Variants in CLEC12B observed in about 807,000 individuals in gnomAD.
CLEC12B encodes macrophage antigen h.
Under a neutral mutation model 36.1 loss-of-function variants are expected in CLEC12B, and 25 were observed. That is an observed-to-expected ratio of 0.69 (90% confidence interval 0.50 to 0.97). The LOEUF is 0.97. Among genes scored for constraint, CLEC12B ranks in the 50% least tolerant of loss-of-function variants. The pLI is 0.00. For missense variants in CLEC12B, 325 were observed against 318.4 expected, an observed-to-expected ratio of 1.02 and a Z score of -0.16; for synonymous variants, 110 against 108.5, an observed-to-expected ratio of 1.01 and a Z score of -0.09.
chr12:10,008,868 G>C (rs1401976028), upstream of CLEC12B, among the ~76,000 whole-genome samples: 2 of 152,180 alleles, frequency 1.3e-5, no homozygotes, highest in East Asian at 3.8e-4. Flanking sequence ...TGAAAACCCA[G>C]TTTTTGCAAA....
chr12:10,012,149 T>C (rs1190843889), intron 1 of CLEC12B, among the ~76,000 whole-genome samples: 1 of 152,350 alleles, frequency 6.6e-6, no homozygotes, highest in Non-Finnish European at 1.5e-5. Flanking sequence ...AGGTGATAAA[T>C]AGCATGAATA....
In CLEC12B at chr12:10,015,323, G is replaced by T; in HGVS notation, c.481G>T (p.Glu161Ter). ...QNSCYYFTTNEEKTWANSRKD... is the reference protein window; with the variant it reads ...QNSCYYFTTN ...TAGTTGCTACTATTTTACAACAAAT[G>T]AGGAGAAAACCTGGGCTAACAGTAG... Residue 161 changes from glutamate (E) to a stop codon, truncating the protein, a stop_gained, in exon 4 of 6, where the codon GAG becomes TAG. Coordinates refer to ENST00000338896, the MANE Select transcript of CLEC12B (RefSeq NM_001129998.3). LOFTEE classifies it high-confidence loss of function. 6.2e-7 allele frequency: 1 copy of T among 1,613,424 alleles called. No individual in the cohort carries two copies.
chr12:10,018,172 T>G (rs1865533352), intron 5 of CLEC12B, among the ~76,000 whole-genome samples, 159 bp from the exon 6 acceptor site: 1 of 152,190 alleles, frequency 6.6e-6, no homozygotes, highest in Non-Finnish European at 1.5e-5. Context: ...GGGCAGATTT[T>G]GTGCCAGCTT....
At chr12:10,007,496 CAG>C (rs946683055), upstream of CLEC12B, among the ~76,000 whole-genome samples, 8 of 152,074 alleles carry the variant, frequency 5.3e-5, no homozygotes, top group Admixed American at 6.6e-5. Context: ...ACTAGTGAAA[CAG>C]AGAAAACTTC....
At position 10,010,778 on chromosome 12, in the gene CLEC12B, T is replaced by C. The variant is rs1029781720; in HGVS notation, c.19T>C (p.Tyr7His). The C allele has an allele frequency of 6.2e-7, 1 of 1,605,562 alleles. No individual in the cohort carries two copies. MSEEVT[Y>H]ATLTFQDSAG... The stretch of plus-strand genomic sequence containing the variant: ...TTCTACAATGTCTGAAGAAGTGACC[T>C]ACGCGACACTCACATTTCAGGATTC... Residue 7 changes from tyrosine to histidine, a missense_variant, in exon 1 of 6, where the codon TAC becomes CAC. Coordinates refer to ENST00000338896, the MANE Select transcript of CLEC12B (RefSeq NM_001129998.3).
chr12:10,008,209 T>C (rs75972360), upstream of CLEC12B, among the ~76,000 whole-genome samples: 4,196 of 152,334 alleles, frequency 0.028, 126 homozygotes, highest in African/African-American at 0.06. Context: ...GAAGTATGAC[T>C]AGTGTGACCT....
intron 3 of CLEC12B, 47 bp downstream of exon 3, chr12:10,014,788 C>G: frequency 7.4e-7 from 1 of 1,344,874 alleles, no homozygotes; most frequent in Non-Finnish European, 1.1e-6. Context: ...ATATGTTATC[C>G]TGGTCTAAGT....
At chr12:10,007,751 G>C (rs1865248050), upstream of CLEC12B, among the ~76,000 whole-genome samples, 1 of 152,244 alleles carries the variant, frequency 6.6e-6, no homozygotes, top group Non-Finnish European at 1.5e-5. Flanking sequence ...TGTATGCACA[G>C]AGTAGGTAGG....
intron 1 of CLEC12B, among the ~76,000 whole-genome samples, chr12:10,012,364 T>C (rs1865349054): frequency 6.6e-6 from 1 of 152,216 alleles, no homozygotes; most frequent in Non-Finnish European, 1.5e-5. Context: ...GGCAATGATG[T>C]AAAACAAAAA....
At chr12:10,010,200 T>TCTCACACACACA (rs370060573), upstream of CLEC12B, among the ~76,000 whole-genome samples, 81 of 145,906 alleles carry the variant, frequency 5.6e-4, no homozygotes, top group African/African-American at 1.7e-3. Context: ...TGTCTCTCTC[T>TCTCACACACACA]CACACACACA....
upstream of CLEC12B, among the ~76,000 whole-genome samples, chr12:10,010,196 T>TCACACACACACACACA (rs1339450318): frequency 4.5e-5 from 3 of 67,378 alleles, no homozygotes; most frequent in African/African-American, 4.7e-5. Flanking sequence ...TCTCTGTCTC[T>TCACACACACACACACA]CTCTCACACA....
At chr12:10,016,591 T>C in intron 5 of CLEC12B, 1 of 264,068 alleles carries the variant, frequency 3.8e-6, no homozygotes, top group Non-Finnish European at 5.9e-6. Context: ...AGTATTTTTC[T>C]ATTAGATAAA....
intron 1 of CLEC12B, among the ~76,000 whole-genome samples, chr12:10,012,471 T>C (rs1218905792): frequency 6.6e-6 from 1 of 152,174 alleles, no homozygotes; most frequent in African/African-American, 2.4e-5. Context: ...TACATATGTA[T>C]ACATGTGCCA....
chr12:10,013,467 A>G (rs1865389931), intron 2 of CLEC12B: 1 of 154,288 alleles, frequency 6.5e-6, no homozygotes, highest in South Asian at 2.0e-4. Flanking sequence ...CACAGCCACA[A>G]AGGAACATTC....
upstream of CLEC12B, among the ~76,000 whole-genome samples, chr12:10,009,863 A>G (rs1041317403): frequency 6.6e-6 from 1 of 152,036 alleles, no homozygotes; most frequent in Non-Finnish European, 1.5e-5. Context: ...TTTAGAGGAG[A>G]TTCCTTAATT....
At chr12:10,017,169 C>T (rs923806660) in intron 5 of CLEC12B, 1 of 985,252 alleles carries the variant, frequency 1.0e-6, no homozygotes, top group Non-Finnish European at 1.2e-6. Context: ...CACTAATCCC[C>T]CATTCTCTAA....
At chr12:10,014,778 A>C in intron 3 of CLEC12B, 37 bp downstream of exon 3, 2 of 1,426,362 alleles carry the variant, frequency 1.4e-6, no homozygotes, top group East Asian at 4.6e-5. Flanking sequence ...GTCAGATGGC[A>C]TATGTTATCC....
chr12:10,015,660 G>C lies in CLEC12B; in HGVS notation c.613G>C (p.Gly205Arg). 6.2e-7 allele frequency: 1 copy of C among 1,613,590 alleles called. No individual in the cohort carries two copies. ...PLLMFSFFWLGLSWDSSGRSW... is the reference protein window; with the variant it reads ...PLLMFSFFWLRLSWDSSGRSW... ...ACTCATGTTTTCGTTCTTTTGGCTG[G>C]GATTATCATGGGACTCCTCTGGCAG... The change falls in exon 5 of 6, where the codon GGA (glycine) becomes CGA (arginine). Residue 205 changes from glycine to arginine, a missense_variant. Transcript: ENST00000338896.
At position 10,015,367 on chromosome 12, in the gene CLEC12B, G is replaced by C. The variant is rs1865457780; in HGVS notation, c.525G>C (p.Lys175Asn). 6.2e-7 allele frequency: 1 copy of C among 1,613,326 alleles called. No homozygotes were observed. The highest frequency in any genetic ancestry group is 8.5e-7 in the Non-Finnish European group (1 of 1,179,606). Residue 175 changes from lysine to asparagine, a missense_variant, in exon 4 of 6, where the codon AAG becomes AAC. Transcript: ENST00000338896. ...WANSRKDCIDKNSTLVKIDSL... is the reference protein window; with the variant it reads ...WANSRKDCIDNNSTLVKIDSL... ...ACAGTAGAAAGGACTGCATAGACAA[G>C]AACTCCACCCTAGTGAAGATAGACA...
Sources: gnomAD v4.1 joint callset for allele counts (sites outside exome capture counted in the v4.1 genomes callset) on GRCh38, gnomAD v4.1.1 for gene constraint, MANE v1.5 for transcripts, NCBI Gene and HGNC (gene_info 2026-07-23, HGNC 2026-07-21) for gene names.